GLIS3: variants seen among roughly 807,000 people sequenced by gnomAD.
GLIS3 encodes zinc finger protein GLIS3.
GLIS3 carries 53 observed loss-of-function variants against 78.6 expected under a neutral mutation model. The observed-to-expected ratio is 0.67, with a 90% CI of 0.54 to 0.85. The LOEUF is 0.85. Among genes scored for constraint, GLIS3 ranks in the 40% least tolerant of loss-of-function variants. GLIS3 has a pLI of 0.00. For missense variants in GLIS3, 1,703 were observed against 1,231.1 expected (o/e 1.38, Z -5.74); for synonymous variants, 684 against 509.9 (o/e 1.34, Z -4.60).
intron 2 of GLIS3, among the ~76,000 whole-genome samples, chr9:4,323,069 G>A (rs184327613): frequency 1.3e-4 from 20 of 152,126 alleles, no homozygotes; most frequent in African/African-American, 3.1e-4. Flanking sequence ...AGTCTTTAAC[G>A]GATCTTGAAT....
intron 6 of GLIS3, among the ~76,000 whole-genome samples, chr9:3,917,377 A>G (rs1824586101): frequency 6.6e-6 from 1 of 152,234 alleles, no homozygotes; most frequent in Non-Finnish European, 1.5e-5. Context: ...AAAGGGTGAC[A>G]TTGACAAGTG....
upstream of GLIS3, among the ~76,000 whole-genome samples, chr9:4,302,052 T>C (rs570508714): frequency 5.3e-5 from 8 of 152,022 alleles, no homozygotes; most frequent in Non-Finnish European, 1.2e-4. Context: ...CCATGGGTTA[T>C]AGTAAAAATG....
At chr9:4,238,783 C>A (rs115358305) in intron 2 of GLIS3, among the ~76,000 whole-genome samples, 2 of 152,152 alleles carry the variant, frequency 1.3e-5, no homozygotes, top group Non-Finnish European at 2.9e-5. Flanking sequence ...TCCTTCAGCA[C>A]TAATGTCCCA....
chr9:4,097,269 T>G (rs1830024892), intron 4 of GLIS3, among the ~76,000 whole-genome samples: 1 of 152,038 alleles, frequency 6.6e-6, no homozygotes, highest in East Asian at 1.9e-4. Context: ...AGGAAAATAT[T>G]TTCCAGGATT....
intron 4 of GLIS3, among the ~76,000 whole-genome samples, chr9:3,945,640 A>C (rs1816242658): frequency 6.6e-6 from 1 of 152,210 alleles, no homozygotes; most frequent in African/African-American, 2.4e-5. Context: ...TGAGGAAACC[A>C]AGAATTCATT....
chr9:4,416,254 A>ATTT, the GLIS3 span, among the ~76,000 whole-genome samples: 48 of 57,100 alleles, frequency 8.4e-4, no homozygotes, highest in African/African-American at 2.7e-3. Flanking sequence ...ACTGTTTTTA[A>ATTT]AAAAAAAAAA....
intron 2 of GLIS3, among the ~76,000 whole-genome samples, chr9:4,164,742 G>A (rs1835751294): frequency 6.6e-6 from 1 of 152,170 alleles, no homozygotes. Flanking sequence ...AAAAGATATT[G>A]TATAAAGTGA....
intron 2 of GLIS3, among the ~76,000 whole-genome samples, chr9:4,193,063 C>G (rs949111452): frequency 4.6e-5 from 7 of 152,304 alleles, no homozygotes; most frequent in Admixed American, 3.9e-4. Context: ...CTTGTAGTCC[C>G]TGTTGGCAAA....
At chr9:4,353,158 G>T (rs910206563), upstream of GLIS3, among the ~76,000 whole-genome samples, 2 of 152,150 alleles carry the variant, frequency 1.3e-5, no homozygotes, top group Admixed American at 6.5e-5. Context: ...ACTCTGAGAA[G>T]TTCCCTCTCT....
At chr9:4,417,926 G>T in the GLIS3 span, among the ~76,000 whole-genome samples, 17 of 152,278 alleles carry the variant, frequency 1.1e-4, no homozygotes, top group African/African-American at 3.8e-4. Context: ...AGGTTTAGGG[G>T]TTGGGGAACA....
intron 8 of GLIS3, among the ~76,000 whole-genome samples, chr9:3,866,852 C>T (rs756418764): frequency 1.4e-4 from 22 of 151,794 alleles, no homozygotes; most frequent in African/African-American, 4.8e-5. Flanking sequence ...TAGAGCAGTG[C>T]CATGTGTGAG....
At chr9:4,385,787 AAGAAAGAAAG>A in the GLIS3 span, among the ~76,000 whole-genome samples, 1 of 80,560 alleles carries the variant, frequency 1.2e-5, no homozygotes, top group Non-Finnish European at 2.4e-5. Context: ...GAAAGAAAGA[AAGAAAGAAAG>A]AAAGAAAGAA....
the GLIS3 span, among the ~76,000 whole-genome samples, chr9:4,403,487 AAAT>A: frequency 4.6e-5 from 7 of 152,346 alleles, no homozygotes; most frequent in South Asian, 6.2e-4. Flanking sequence ...AACCACTCAA[AAAT>A]AATAACTACA....
At chr9:4,444,316 A>T in the GLIS3 span, among the ~76,000 whole-genome samples, 1 of 152,224 alleles carries the variant, frequency 6.6e-6, no homozygotes, top group Non-Finnish European at 1.5e-5. Flanking sequence ...CATCTAAGCA[A>T]TGTCCTTCTG....
the GLIS3 span, among the ~76,000 whole-genome samples, chr9:4,416,919 A>G: frequency 1.3e-5 from 2 of 150,202 alleles, no homozygotes; most frequent in Non-Finnish European, 2.9e-5. Context: ...CCCAGGTTCA[A>G]GCGATTCTCC....
intron 4 of GLIS3, among the ~76,000 whole-genome samples, chr9:4,098,635 C>G (rs1350594681): frequency 2.0e-5 from 3 of 152,144 alleles, no homozygotes; most frequent in African/African-American, 7.2e-5. Flanking sequence ...GTTCTAAAAA[C>G]GTAATCTCAA....
At chr9:4,238,938 CGTT>C (rs1052201952) in intron 2 of GLIS3, among the ~76,000 whole-genome samples, 11 of 151,970 alleles carry the variant, frequency 7.2e-5, no homozygotes, top group Non-Finnish European at 1.6e-4. Context: ...TCAAAACAAA[CGTT>C]GTTTTTTGTC....
At chr9:4,334,347 G>T (rs546710708) in intron 2 of GLIS3, among the ~76,000 whole-genome samples, 21 of 152,146 alleles carry the variant, frequency 1.4e-4, no homozygotes, top group Non-Finnish European at 2.6e-4. Context: ...ATTAAAACGT[G>T]GCAGCTACAG....
intron 4 of GLIS3, among the ~76,000 whole-genome samples, chr9:4,048,991 G>C (rs1422650500): frequency 6.6e-6 from 1 of 152,170 alleles, no homozygotes; most frequent in African/African-American, 2.4e-5. Flanking sequence ...CAAGTCAGCA[G>C]ACCTCAATCT....
Sources: allele counts gnomAD v4.1 joint callset (sites outside exome capture counted in the v4.1 genomes callset), GRCh38; gene constraint gnomAD v4.1.1; transcripts MANE v1.5; gene names NCBI Gene and HGNC (gene_info 2026-07-23, HGNC 2026-07-21).